CASP8: variants seen among roughly 807,000 people sequenced by gnomAD.
CASP8 encodes caspase 8.
A neutral mutation model predicts 46.3 loss-of-function variants in CASP8; 24 were observed. The observed-to-expected ratio is 0.52, with a 90% CI of 0.38 to 0.73. The LOEUF (loss-of-function observed/expected upper bound fraction) is 0.73, where lower values mean the gene tolerates loss of function less well. Among genes scored for constraint, CASP8 ranks in the 30% least tolerant of loss-of-function variants. CASP8 has a pLI of 0.00. For synonymous variants in CASP8, 188 were observed against 200.4 expected (o/e 0.94, Z 0.52); for missense variants, 460 against 559.0 (o/e 0.82, Z 1.79).
chr2:201,270,088 C>T (rs1054561310), intron 2 of CASP8, among the ~76,000 whole-genome samples: 11 of 152,106 alleles, frequency 7.2e-5, no homozygotes, highest in Non-Finnish European at 1.2e-4. Context: ...TTAAAGTCAA[C>T]GTGTTTTTGT....
At chr2:201,248,179 G>C (rs1946622444) in intron 2 of CASP8, among the ~76,000 whole-genome samples, 1 of 152,136 alleles carries the variant, frequency 6.6e-6, no homozygotes, top group African/African-American at 2.4e-5. Flanking sequence ...TACTATTTCG[G>C]TAATTAAGCA....
chr2:201,254,446 G>A (rs934869385), intron 2 of CASP8, among the ~76,000 whole-genome samples: 3 of 152,242 alleles, frequency 2.0e-5, no homozygotes, highest in Non-Finnish European at 2.9e-5. Flanking sequence ...ACGCTCTGGA[G>A]GAGGAGTCTA....
At chr2:201,282,219 C>T (rs1949096317) in intron 7 of CASP8, among the ~76,000 whole-genome samples, 2 of 47,484 alleles carry the variant, frequency 4.2e-5, no homozygotes, top group East Asian at 4.6e-4. Context: ...CCTGAGTGGA[C>T]ACAGCACATG....
chr2:201,237,131 C>T (rs1368769399), intron 2 of CASP8, among the ~76,000 whole-genome samples: 1 of 142,796 alleles, frequency 7.0e-6, no homozygotes, highest in Non-Finnish European at 1.5e-5. Flanking sequence ...TGCTGTGTCG[C>T]CCAGGCTGGA....
At chr2:201,260,672 T>C in intron 1 of CASP8, 59 bp downstream of exon 1, 1 of 531,828 alleles carries the variant, frequency 1.9e-6, no homozygotes, top group South Asian at 8.1e-5. Context: ...GGCCTTTGAT[T>C]CTGGAGTTTT....
At chr2:201,234,677 T>A (rs1945972635) in intron 2 of CASP8, among the ~76,000 whole-genome samples, 1 of 152,008 alleles carries the variant, frequency 6.6e-6, no homozygotes, top group Admixed American at 6.6e-5. Flanking sequence ...CAGGCTGGTC[T>A]CAAACTTCTG....
upstream of CASP8, among the ~76,000 whole-genome samples, chr2:201,256,481 C>T (rs1947024049): frequency 6.6e-6 from 1 of 152,220 alleles, no homozygotes; most frequent in Non-Finnish European, 1.5e-5. Flanking sequence ...ATTAGGCCAA[C>T]TCCTTTTTGT....
intron 2 of CASP8, chr2:201,269,654 G>A (rs2125206602): frequency 1.5e-6 from 2 of 1,348,602 alleles, no homozygotes; most frequent in South Asian, 2.4e-5. Context: ...AGATAAAAGG[G>A]TCCGGGCAAT....
At chr2:201,255,896 C>T (rs1231704688), upstream of CASP8, among the ~76,000 whole-genome samples, 1 of 152,152 alleles carries the variant, frequency 6.6e-6, no homozygotes, top group African/African-American at 2.4e-5. Context: ...CTTGAGACAA[C>T]AGATGCATGC....
chr2:201,275,682 C>A (rs917944327), intron 6 of CASP8, among the ~76,000 whole-genome samples: 2 of 152,186 alleles, frequency 1.3e-5, no homozygotes, highest in African/African-American at 4.8e-5. Flanking sequence ...CAAGCATTGT[C>A]CCCACTGAAG....
At chr2:201,264,114 C>T (rs1235223750) in intron 1 of CASP8, among the ~76,000 whole-genome samples, 1 of 152,104 alleles carries the variant, frequency 6.6e-6, no homozygotes, top group East Asian at 1.9e-4. Context: ...CAGGCTCAAC[C>T]ACATTGATCT....
intron 7 of CASP8, among the ~76,000 whole-genome samples, chr2:201,280,255 T>C (rs1948917302): frequency 6.6e-6 from 1 of 151,628 alleles, no homozygotes. Flanking sequence ...AAATAGAAAA[T>C]AGGAGTGAAA....
At position 201,273,138 on chromosome 2, in the gene CASP8, A is replaced by G. The variant is rs185065852; in HGVS notation, c.595+196A>G. Reference sequence around the variant, plus strand: ...AGTGGCACCATCTCGGCTCACTGCAATCTCCGCCTCCCAGGTTCAAGCAAT... The same window carrying G: ...AGTGGCACCATCTCGGCTCACTGCAGTCTCCGCCTCCCAGGTTCAAGCAAT... On this transcript the variant is annotated intron_variant, in intron 5 of 8. Coordinates refer to ENST00000673742, the MANE Select transcript of CASP8 (RefSeq NM_001372051.1). Among the ~76,000 whole-genome samples the G allele has an allele frequency of 3.4e-3, 522 of 151,560 alleles. 2 individuals are homozygous for G. Among genetic ancestry groups the G allele is most frequent in the Middle Eastern group, 0.01 (3 of 292 alleles).
chr2:201,239,060 G>A (rs1267505287), intron 2 of CASP8, among the ~76,000 whole-genome samples: 1 of 152,174 alleles, frequency 6.6e-6, no homozygotes, highest in African/African-American at 2.4e-5. Flanking sequence ...TACAGCACAT[G>A]TTTCAGAGAG....
chr2:201,243,883 A>G (rs1185680021), intron 2 of CASP8, among the ~76,000 whole-genome samples: 5 of 152,208 alleles, frequency 3.3e-5, no homozygotes, highest in African/African-American at 4.8e-5. Context: ...AAGTCTGTTC[A>G]AGTCTGTTGA....
intron 2 of CASP8, among the ~76,000 whole-genome samples, chr2:201,268,221 A>G (rs993905564): frequency 6.6e-6 from 1 of 152,170 alleles, no homozygotes; most frequent in African/African-American, 2.4e-5. Context: ...CACCATGCCC[A>G]GCCAAGGCTT....
upstream of CASP8, chr2:201,258,075 C>A: frequency 1.3e-6 from 1 of 774,324 alleles, no homozygotes; most frequent in Non-Finnish European, 2.2e-6. Context: ...GTTTACCCTG[C>A]AGTTCCTTCT....
Position 201,260,614 on chromosome 2 carries a change from GT to G in CASP8, c.-27+2del, listed in dbSNP as rs1947320150. The G allele has an allele frequency of 2.2e-5, 21 of 969,160 alleles. No individual in the cohort carries two copies. In the South Asian group the frequency reaches 9.1e-4, roughly 42 times the overall value. The allele number at this position is 969,160 out of a possible 1,614,324, so 60.0% of individuals were successfully genotyped here. A position where few individuals can be genotyped will look rare whatever the true frequency, so the allele number is the denominator to read the frequency against. ...AAGGTGCTACCATCGTGAGAGTAAG[GT>G]AAGGATTTGCCTCTTTGTTAAGGTC... On this transcript the variant is annotated splice_donor_variant, in intron 1 of 8. Transcript: ENST00000673742. LOFTEE classifies it low-confidence loss of function (5UTR_SPLICE).
At chr2:201,279,095 T>C (rs1948833753) in intron 7 of CASP8, among the ~76,000 whole-genome samples, 1 of 152,150 alleles carries the variant, frequency 6.6e-6, no homozygotes, top group Admixed American at 6.6e-5. Context: ...CACAGAATCC[T>C]GGAAAAATTC....
Sources: allele counts gnomAD v4.1 joint callset (sites outside exome capture counted in the v4.1 genomes callset), GRCh38; gene constraint gnomAD v4.1.1; transcripts MANE v1.5; gene names NCBI Gene and HGNC (gene_info 2026-07-23, HGNC 2026-07-21).